The following PACRG variants were observed in gnomAD, a reference collection of about 807,000 sequenced individuals.
PACRG encodes parkin coregulated.
Under a neutral mutation model 29.7 loss-of-function variants are expected in PACRG, and 29 were observed. The ratio of observed to expected loss-of-function variants is 0.98; its 90% CI spans 0.73 to 1.33. The LOEUF is 1.33. PACRG is among the 40% of genes most tolerant of loss of function. PACRG has a pLI of 0.00. For synonymous variants in PACRG, 116 were observed against 118.7 expected (o/e 0.98, Z 0.15); for missense variants, 279 against 316.2 (o/e 0.88, Z 0.89).
chr6:162,780,003 A>G (rs1170478298), intron 1 of PACRG, among the ~76,000 whole-genome samples: 1 of 152,214 alleles, frequency 6.6e-6, no homozygotes, highest in African/African-American at 2.4e-5. Context: ...AATTCAAGGA[A>G]GTTAAGTCGG....
chr6:162,961,733 C>T (rs549528639), intron 2 of PACRG, among the ~76,000 whole-genome samples: 16 of 152,260 alleles, frequency 1.1e-4, no homozygotes, highest in African/African-American at 1.7e-4. Context: ...CATTTCTACC[C>T]GCTTCCCTAG....
chr6:162,740,372 G>A (rs34592354), intron 1 of PACRG, among the ~76,000 whole-genome samples: 23,762 of 143,554 alleles, frequency 0.17, 2,558 homozygotes, highest in African/African-American at 0.32. Context: ...GTGCAGTGGC[G>A]TGATCTCAGC....
intron 4 of PACRG, among the ~76,000 whole-genome samples, chr6:163,207,818 A>C (rs1780968596): frequency 6.6e-6 from 1 of 152,256 alleles, no homozygotes; most frequent in Non-Finnish European, 1.5e-5. Context: ...ATTAGAATCC[A>C]TAATCTTATT....
intron 4 of PACRG, among the ~76,000 whole-genome samples, chr6:163,149,193 C>A (rs1421976792): frequency 6.6e-6 from 1 of 152,014 alleles, no homozygotes; most frequent in Non-Finnish European, 1.5e-5. Context: ...ACAGTCCAGG[C>A]CGGTCGGGTG....
intron 2 of PACRG, among the ~76,000 whole-genome samples, chr6:163,054,765 A>G (rs1033644020): frequency 6.6e-6 from 1 of 152,114 alleles, no homozygotes; most frequent in Admixed American, 6.5e-5. Flanking sequence ...AGCCATTCGC[A>G]TCCCAGTTTC....
chr6:163,003,004 A>G (rs2128201020), intron 2 of PACRG, among the ~76,000 whole-genome samples: 1 of 152,320 alleles, frequency 6.6e-6, no homozygotes, highest in Non-Finnish European at 1.5e-5. Flanking sequence ...TGGCAACACT[A>G]GACCCATATT....
intron 4 of PACRG, among the ~76,000 whole-genome samples, chr6:163,231,309 A>G (rs911576271): frequency 6.6e-6 from 1 of 152,204 alleles, no homozygotes; most frequent in African/African-American, 2.4e-5. Context: ...GCCACTGAAA[A>G]TGCTGTTAGA....
chr6:162,864,192 C>T (rs1792104399), intron 2 of PACRG, among the ~76,000 whole-genome samples: 1 of 152,124 alleles, frequency 6.6e-6, no homozygotes, highest in Non-Finnish European at 1.5e-5. Context: ...TAAGGCTTTG[C>T]CCATGCTGCT....
intron 2 of PACRG, among the ~76,000 whole-genome samples, chr6:162,839,621 T>G (rs988764161): frequency 4.0e-5 from 6 of 151,804 alleles, no homozygotes; most frequent in East Asian, 1.9e-4. Flanking sequence ...GTCAATTTTG[T>G]CTTTTGTTGC....
At chr6:163,143,362 A>G (rs1020888142) in intron 4 of PACRG, among the ~76,000 whole-genome samples, 2 of 152,226 alleles carry the variant, frequency 1.3e-5, no homozygotes, top group Admixed American at 1.3e-4. Context: ...GTGGTTTCCA[A>G]CGCATAAGTA....
intron 4 of PACRG, chr6:163,112,164 A>T: frequency 4.4e-6 from 2 of 450,038 alleles, no homozygotes; most frequent in Non-Finnish European, 5.9e-6. Flanking sequence ...CATTGACAGA[A>T]TCTGTCTGAT....
Position 163,002,981 on chromosome 6 carries a change from A to C in PACRG, c.292-59169A>C, listed in dbSNP as rs568047359. ...TGTCCAAATTTCTGGCTTCTTTGGCATACTGCAATTTCTGGCAACACTAGA... is the reference window on the plus strand; with the variant it reads ...TGTCCAAATTTCTGGCTTCTTTGGCCTACTGCAATTTCTGGCAACACTAGA... On this transcript the variant is annotated intron_variant, in intron 2 of 4. Coordinates refer to ENST00000366888, the MANE Select transcript of PACRG (RefSeq NM_001080379.2). Among the ~76,000 whole-genome samples, 9 of 152,288 alleles carry C rather than the reference A, an allele frequency of 5.9e-5. No individual in the cohort carries two copies. In the South Asian group the frequency reaches 1.9e-3, roughly 32 times the overall value.
chr6:163,274,483 A>G (rs1168099955), intron 4 of PACRG, among the ~76,000 whole-genome samples: 1 of 152,226 alleles, frequency 6.6e-6, no homozygotes, highest in Non-Finnish European at 1.5e-5. Context: ...ATAGTGCCTC[A>G]ATAAACATAC....
intron 2 of PACRG, among the ~76,000 whole-genome samples, chr6:162,931,967 A>T (rs968637453): frequency 5.9e-5 from 9 of 152,014 alleles, no homozygotes; most frequent in African/African-American, 2.2e-4. Flanking sequence ...GAATGTTGAT[A>T]AGGGCTTTAT....
chr6:162,866,626 AT>A (rs1357521597), intron 2 of PACRG, among the ~76,000 whole-genome samples: 1 of 151,998 alleles, frequency 6.6e-6, no homozygotes, highest in Non-Finnish European at 1.5e-5. Flanking sequence ...AAAAAAAAAA[AT>A]CTCTAAACTA....
intron 2 of PACRG, among the ~76,000 whole-genome samples, chr6:162,917,685 G>A (rs1487698041): frequency 1.3e-5 from 2 of 152,070 alleles, no homozygotes; most frequent in African/African-American, 4.8e-5. Context: ...AATCCAGGTT[G>A]ACATCTGGCT....
chr6:162,959,835 ATT>A (rs769799991), intron 2 of PACRG, among the ~76,000 whole-genome samples: 68 of 152,110 alleles, frequency 4.5e-4, no homozygotes, highest in Non-Finnish European at 8.4e-4. Flanking sequence ...AGAAAAAAGA[ATT>A]CTGTATATAT....
Position 162,796,212 on chromosome 6 carries a change from A to G in PACRG, c.157-17935A>G, listed in dbSNP as rs190171854. 2.1e-3 allele frequency among the ~76,000 whole-genome samples: 316 copies of G among 152,270 alleles called. 2 individuals are homozygous for G. Among genetic ancestry groups the G allele is most frequent in the African/African-American group, 7.3e-3 (304 of 41,572 alleles). On this transcript the variant is annotated intron_variant, in intron 1 of 4. Coordinates refer to ENST00000366888, the MANE Select transcript of PACRG (RefSeq NM_001080379.2). ...CGCATGGTTCTGAGATTGGAGCTTTACATTTGACTTTCTTGGTAGATTTTT... is the reference window on the plus strand; with the variant it reads ...CGCATGGTTCTGAGATTGGAGCTTTGCATTTGACTTTCTTGGTAGATTTTT...
chr6:163,258,034 C>T (rs116538121), intron 4 of PACRG, among the ~76,000 whole-genome samples: 2,109 of 151,954 alleles, frequency 0.014, 40 homozygotes, highest in African/African-American at 0.048. Flanking sequence ...ATTATTATAC[C>T]TCTTTATTTT....
Sources: gnomAD v4.1 joint callset for allele counts (sites outside exome capture counted in the v4.1 genomes callset) on GRCh38, gnomAD v4.1.1 for gene constraint, MANE v1.5 for transcripts, NCBI Gene and HGNC (gene_info 2026-07-23, HGNC 2026-07-21) for gene names.